The following ADAM10 variants were observed in gnomAD, a reference collection of about 807,000 sequenced individuals.
The protein encoded by ADAM10 is ADAM metallopeptidase domain 10, also known as disintegrin and metalloproteinase domain-containing protein 10.
In ADAM10, 17 loss-of-function variants were observed where a neutral mutation model predicts 90.1. The ratio of observed to expected loss-of-function variants is 0.19; its 90% CI spans 0.13 to 0.28. ADAM10 has a LOEUF of 0.28. Ranked by LOEUF, ADAM10 falls within the 10% of genes least tolerant of loss-of-function variation. ADAM10 has a pLI of 1.00. For missense variants in ADAM10, 610 were observed against 914.3 expected (o/e 0.67, Z 4.29); for synonymous variants, 310 against 298.6 (o/e 1.04, Z -0.40).
intron 8 of ADAM10, among the ~76,000 whole-genome samples, chr15:58,640,178 A>T (rs1896377780): frequency 6.6e-6 from 1 of 152,252 alleles, no homozygotes; most frequent in Non-Finnish European, 1.5e-5. Context: ...TGGCTAAGGC[A>T]GAGACTCGGC....
chr15:58,669,155 A>G (rs1897140957), intron 4 of ADAM10, among the ~76,000 whole-genome samples: 1 of 152,188 alleles, frequency 6.6e-6, no homozygotes, highest in South Asian at 2.1e-4. Context: ...GACATAGAAC[A>G]TGCACTCTCA....
chr15:58,652,299 T>A (rs1246494850), intron 5 of ADAM10, among the ~76,000 whole-genome samples: 1 of 152,152 alleles, frequency 6.6e-6, no homozygotes, highest in Non-Finnish European at 1.5e-5. Flanking sequence ...CTTATGGGGT[T>A]TTACTCAAGA....
At chr15:58,664,281 TTC>T (rs1404596343) in intron 5 of ADAM10, among the ~76,000 whole-genome samples, 12 of 152,114 alleles carry the variant, frequency 7.9e-5, no homozygotes. Context: ...TCTAAATTGT[TTC>T]TCTGTGTCTC....
intron 2 of ADAM10, among the ~76,000 whole-genome samples, chr15:58,696,008 T>C (rs1042411821): frequency 1.3e-5 from 2 of 152,032 alleles, no homozygotes; most frequent in African/African-American, 2.4e-5. Context: ...CCCAGCTACT[T>C]GGGAAGCTGC....
At chr15:58,711,749 C>T (rs986098694) in intron 2 of ADAM10, among the ~76,000 whole-genome samples, 3 of 152,186 alleles carry the variant, frequency 2.0e-5, no homozygotes, top group Admixed American at 2.0e-4. Context: ...CATATACATA[C>T]AACCACAAAA....
chr15:58,711,696 A>T (rs1014719807), intron 2 of ADAM10, among the ~76,000 whole-genome samples: 5 of 152,168 alleles, frequency 3.3e-5, no homozygotes, highest in Admixed American at 1.3e-4. Flanking sequence ...CAAAGTACAT[A>T]ATTTGGAAAA....
chr15:58,641,888 C>T (rs1381756988), intron 7 of ADAM10, among the ~76,000 whole-genome samples: 1 of 152,166 alleles, frequency 6.6e-6, no homozygotes, highest in Non-Finnish European at 1.5e-5. Context: ...CTACAGGTCT[C>T]TTTATGACCT....
In ADAM10 at chr15:58,643,996, G is replaced by A. The variant is rs1896483509; in HGVS notation, c.736-18C>T. ...CTGGATATCTATGATTTAAAAAAAAGAACATTTTAGAGGCAATGTTGAAAT... is the reference window on the plus strand; with the variant it reads ...CTGGATATCTATGATTTAAAAAAAAAAACATTTTAGAGGCAATGTTGAAAT... On this transcript the variant is annotated intron_variant, in intron 6 of 15. Coordinates refer to ENST00000260408, the MANE Select transcript of ADAM10 (RefSeq NM_001110.4). 7 of 1,527,244 alleles carry A rather than the reference G, an allele frequency of 4.6e-6. No homozygotes were observed. The South Asian group carries it at 7.9e-5, about 17-fold the overall frequency. 94.6% of individuals were successfully genotyped at this position (1,527,244 alleles called of 1,614,324 possible).
intron 11 of ADAM10, among the ~76,000 whole-genome samples, chr15:58,619,087 G>A (rs1174599796): frequency 6.6e-6 from 1 of 152,164 alleles, no homozygotes; most frequent in Non-Finnish European, 1.5e-5. Context: ...CCAAGATACA[G>A]AATTAGTCTA....
chr15:58,734,894 T>A (rs1209952891), intron 1 of ADAM10, among the ~76,000 whole-genome samples: 2 of 152,162 alleles, frequency 1.3e-5, no homozygotes, highest in Non-Finnish European at 2.9e-5. Context: ...CAGCTAGTGA[T>A]TGAAATGGGC....
intron 2 of ADAM10, chr15:58,691,542 G>T: frequency 1.8e-6 from 1 of 544,496 alleles, no homozygotes; most frequent in South Asian, 1.5e-5. Flanking sequence ...CAGCAGTTCA[G>T]ACAGGTGTCG....
At chr15:58,685,384 C>G (rs1897561641) in intron 2 of ADAM10, among the ~76,000 whole-genome samples, 1 of 150,748 alleles carries the variant, frequency 6.6e-6, no homozygotes, top group African/African-American at 2.4e-5. Context: ...TGGCGTGAAC[C>G]CGGGGGAGGC....
chr15:58,608,026 T>A (rs1028108486), intron 14 of ADAM10, among the ~76,000 whole-genome samples: 1 of 152,234 alleles, frequency 6.6e-6, no homozygotes, highest in South Asian at 2.1e-4. Flanking sequence ...AGGATGTTTA[T>A]CATTTTATCC....
chr15:58,623,242 T>G (rs1286197196), intron 10 of ADAM10, among the ~76,000 whole-genome samples: 1 of 152,226 alleles, frequency 6.6e-6, no homozygotes, highest in Non-Finnish European at 1.5e-5. Flanking sequence ...CACAAACATA[T>G]GCACTCACAT....
chr15:58,608,513 C>T (rs1319791192), intron 14 of ADAM10, among the ~76,000 whole-genome samples: 1 of 152,158 alleles, frequency 6.6e-6, no homozygotes, highest in Non-Finnish European at 1.5e-5. Context: ...ACTCTTCACA[C>T]ATTATGAGCA....
intron 7 of ADAM10, among the ~76,000 whole-genome samples, chr15:58,641,843 G>GT (rs1459099177): frequency 5.3e-5 from 8 of 152,154 alleles, no homozygotes; most frequent in African/African-American, 1.9e-4. Flanking sequence ...AATGTTGGCA[G>GT]TAAGAGGATG....
chr15:58,682,888 C>CCGAAAGACCA, intron 2 of ADAM10, among the ~76,000 whole-genome samples: 1 of 151,878 alleles, frequency 6.6e-6, no homozygotes, highest in African/African-American at 2.4e-5. Flanking sequence ...AGGATAATGG[C>CCGAAAGACCA]TGAAATCAGA....
At chr15:58,714,184 A>T (rs1344024908) in intron 2 of ADAM10, among the ~76,000 whole-genome samples, 1 of 152,166 alleles carries the variant, frequency 6.6e-6, no homozygotes, top group Non-Finnish European at 1.5e-5. Flanking sequence ...TAAACATGGC[A>T]TATAATATAC....
At position 58,597,711 on chromosome 15, in the gene ADAM10, G is replaced by A. The variant is rs1894996451; in HGVS notation, c.2153-70C>T. 5.8e-6 allele frequency: 9 copies of A among 1,558,030 alleles called. No homozygotes were observed. The East Asian group carries it at 2.1e-4, about 36-fold the overall frequency. ...CTTTTTAATCTTTAAAAGCAAAGCT[G>A]CTGTTTCAATAAGAAAGGTTTTAGT... On this transcript the variant is annotated intron_variant, in intron 15 of 15. Transcript: ENST00000260408.
Sources: allele counts gnomAD v4.1 joint callset (sites outside exome capture counted in the v4.1 genomes callset), GRCh38; gene constraint gnomAD v4.1.1; transcripts MANE v1.5; gene names NCBI Gene and HGNC (gene_info 2026-07-23, HGNC 2026-07-21).